The following ATCAY variants were observed in gnomAD, a reference collection of about 807,000 sequenced individuals.
ATCAY encodes the protein caytaxin.
ATCAY carries 22 observed loss-of-function variants against 47.7 expected under a neutral mutation model. The ratio of observed to expected loss-of-function variants is 0.46; its 90% CI spans 0.33 to 0.66. The LOEUF is 0.66. Among genes scored for constraint, ATCAY ranks in the 30% least tolerant of loss-of-function variants. The pLI, the probability that ATCAY is intolerant of heterozygous loss-of-function variation, is 0.02. For missense variants in ATCAY, 452 were observed against 515.0 expected (o/e 0.88, Z 1.18); for synonymous variants, 216 against 207.6 (o/e 1.04, Z -0.35).
In ATCAY at chr19:3,915,531, C is replaced by T. The variant is rs2038959256; in HGVS notation, c.965+1675C>T. Among the ~76,000 whole-genome samples, 3 of 149,190 alleles carry T rather than the reference C, an allele frequency of 2.0e-5. No homozygotes were observed. In the South Asian group the frequency reaches 6.4e-4, roughly 32 times the overall value. On this transcript the variant is annotated intron_variant, in intron 9 of 12. Coordinates refer to ENST00000450849, the MANE Select transcript of ATCAY (RefSeq NM_033064.5). ...CACATTCGCATATTTGTGCAGCCAT[C>T]ACCACCATCCTCTCCAGACCTTTCT...
At chr19:3,881,784 C>A (rs915705569) in intron 1 of ATCAY, among the ~76,000 whole-genome samples, 15 of 151,806 alleles carry the variant, frequency 9.9e-5, no homozygotes, top group Admixed American at 3.3e-4. Context: ...AGGCGAAGAC[C>A]CCTTCCTCCG....
At chr19:3,906,291 C>T (rs997054476) in intron 4 of ATCAY, among the ~76,000 whole-genome samples, 8 of 150,390 alleles carry the variant, frequency 5.3e-5, no homozygotes, top group African/African-American at 1.5e-4. Context: ...AGGGTCCATC[C>T]GCTCCTGCGA....
intron 12 of ATCAY, among the ~76,000 whole-genome samples, chr19:3,921,187 G>T (rs1213462017): frequency 6.6e-6 from 1 of 152,136 alleles, no homozygotes; most frequent in Admixed American, 6.5e-5. Context: ...CTCTGCCTCC[G>T]ATTCTCCACC....
intron 10 of ATCAY, 101 bp downstream of exon 10, chr19:3,917,878 C>T: frequency 7.3e-7 from 1 of 1,362,386 alleles, no homozygotes; most frequent in Non-Finnish European, 1.0e-6. Context: ...CAGCAGGGAC[C>T]ATTGTCCTGT....
chr19:3,881,998 G>C (rs773966234), intron 1 of ATCAY, among the ~76,000 whole-genome samples: 3 of 151,422 alleles, frequency 2.0e-5, no homozygotes, highest in Non-Finnish European at 4.4e-5. Context: ...ACCCTGTACG[G>C]GGGAGGGTCT....
intron 2 of ATCAY, among the ~76,000 whole-genome samples, chr19:3,898,979 C>T (rs898555147): frequency 2.0e-5 from 3 of 152,094 alleles, no homozygotes; most frequent in South Asian, 2.1e-4. Flanking sequence ...CGCGCCTGGC[C>T]GTCAATGGAC....
At chr19:3,918,975 G>A in intron 11 of ATCAY, 98 bp downstream of exon 11, 1 of 1,459,430 alleles carries the variant, frequency 6.9e-7, no homozygotes, top group Non-Finnish European at 9.5e-7. Context: ...CCTTGTTCAG[G>A]GACAGAAAAT....
At chr19:3,885,109 T>TAA (rs34258948) in intron 1 of ATCAY, among the ~76,000 whole-genome samples, 16,449 of 70,402 alleles carry the variant, frequency 0.23, 2,086 homozygotes, top group Non-Finnish European at 0.3. Context: ...TTTTTTTTTT[T>TAA]AAAAAAAAAA....
intron 2 of ATCAY, among the ~76,000 whole-genome samples, chr19:3,897,687 C>G (rs757370672): frequency 1.2e-4 from 19 of 152,006 alleles, no homozygotes; most frequent in Non-Finnish European, 2.8e-4. Flanking sequence ...GCAGGTGGAT[C>G]TCCTGAGCTC....
At chr19:3,922,189 C>G (rs1168017330) in intron 12 of ATCAY, 1 of 701,958 alleles carries the variant, frequency 1.4e-6, no homozygotes, top group South Asian at 1.5e-5. Flanking sequence ...CAAGCTGATG[C>G]CACGTGGCCC....
intron 2 of ATCAY, among the ~76,000 whole-genome samples, chr19:3,890,678 C>T (rs576757060): frequency 1.4e-4 from 21 of 152,272 alleles, no homozygotes; most frequent in African/African-American, 4.1e-4. Flanking sequence ...GCGAGGCCAG[C>T]GGGAGCGGGA....
At chr19:3,883,454 C>T (rs1345438369) in intron 1 of ATCAY, among the ~76,000 whole-genome samples, 1 of 152,200 alleles carries the variant, frequency 6.6e-6, no homozygotes, top group Non-Finnish European at 1.5e-5. Context: ...CTGCCGGACA[C>T]AGGCCTGAAA....
At chr19:3,923,884 A>ATGGATGGGTGGATGGC (rs1454628793) in intron 12 of ATCAY, among the ~76,000 whole-genome samples, 1 of 145,272 alleles carries the variant, frequency 6.9e-6, no homozygotes, top group African/African-American at 2.6e-5. Flanking sequence ...GGATGGGTGC[A>ATGGATGGGTGGATGGC]TGGATGGGTG....
intron 2 of ATCAY, among the ~76,000 whole-genome samples, chr19:3,899,606 C>T (rs559112800): frequency 5.9e-5 from 9 of 152,284 alleles, no homozygotes; most frequent in Admixed American, 2.6e-4. Flanking sequence ...TGAGCCACCA[C>T]GCCCGGCCAA....
intron 2 of ATCAY, chr19:3,895,275 C>T: frequency 2.2e-6 from 1 of 454,834 alleles, no homozygotes; most frequent in Non-Finnish European, 4.4e-6. Context: ...AGTGCAATGG[C>T]ACGATCTCAG....
intron 8 of ATCAY, 90 bp downstream of exon 8, chr19:3,910,979 ACGTGTGTG>A (rs1175730011): frequency 3.6e-6 from 5 of 1,407,246 alleles, no homozygotes; most frequent in South Asian, 2.3e-5. Context: ...GCATGTGTGC[ACGTGTGTG>A]CGTGTGTGCA....
At chr19:3,901,742 A>G (rs1182345922) in intron 2 of ATCAY, among the ~76,000 whole-genome samples, 1 of 152,192 alleles carries the variant, frequency 6.6e-6, no homozygotes, top group Non-Finnish European at 1.5e-5. Flanking sequence ...CATGCCTGTA[A>G]TCCCAGCACT....
At chr19:3,920,511 T>A in intron 11 of ATCAY, 1 of 173,514 alleles carries the variant, frequency 5.8e-6, no homozygotes, top group Non-Finnish European at 1.2e-5. Context: ...CCCGGCTAAT[T>A]TTTGTATTTT....
chr19:3,909,656 GA>G, intron 7 of ATCAY, 39 bp downstream of exon 7: 1 of 1,550,946 alleles, frequency 6.4e-7, no homozygotes. Context: ...GTGGGGGCAT[GA>G]AAATCACACA....
Sources: gnomAD v4.1 joint callset for allele counts (sites outside exome capture counted in the v4.1 genomes callset) on GRCh38, gnomAD v4.1.1 for gene constraint, MANE v1.5 for transcripts, NCBI Gene and HGNC (gene_info 2026-07-23, HGNC 2026-07-21) for gene names.